Variants in ODR4 observed in about 807,000 individuals in gnomAD.
ODR4 encodes odr-4 GPCR localization factor homolog, also known as protein odr-4 homolog.
Under a neutral mutation model 60.2 loss-of-function variants are expected in ODR4, and 47 were observed. The observed-to-expected ratio is 0.78, with a 90% CI of 0.62 to 1.00. ODR4 has a LOEUF of 1.00. Among genes scored for constraint, ODR4 ranks in the 50% least tolerant of loss-of-function variants. ODR4 has a pLI of 0.00. For missense variants in ODR4, 488 were observed against 530.8 expected (o/e 0.92, Z 0.79); for synonymous variants, 178 against 175.5 (o/e 1.01, Z -0.11).
Position 186,417,392 on chromosome 1 carries a change from A to G in ODR4, c.1187-152A>G, listed in dbSNP as rs16825329. On this transcript the variant is annotated intron_variant, in intron 12 of 13. Transcript: ENST00000287859. The stretch of plus-strand genomic sequence containing the variant: ...ATTCTATTAAATTTAATTCACCTAC[A>G]ATTGATAATGAACAAATTCAGTATG... The G allele has an allele frequency of 0.015, 9,228 of 618,580 alleles. 645 individuals carry two copies. In the African/African-American group the frequency reaches 0.16, roughly 10 times the overall value. The allele number at this position is 618,580 out of a possible 1,614,324, so 38.3% of individuals were successfully genotyped here.
downstream of ODR4, among the ~76,000 whole-genome samples, chr1:186,426,121 A>T (rs537794767): frequency 1.3e-5 from 2 of 152,182 alleles, no homozygotes; most frequent in East Asian, 1.9e-4. Context: ...TTTCTCATTG[A>T]TCTTCTAGCC....
At chr1:186,402,715 G>A (rs150286991) in intron 11 of ODR4, among the ~76,000 whole-genome samples, 1 of 152,186 alleles carries the variant, frequency 6.6e-6, no homozygotes, top group African/African-American at 2.4e-5. Context: ...AGCCTCCCAG[G>A]TAGCTGGGAC....
At chr1:186,430,081 T>C in the ODR4 span, among the ~76,000 whole-genome samples, 1,156 of 152,186 alleles carry the variant, frequency 7.6e-3, 1 homozygote, top group Middle Eastern at 0.017. Context: ...GTATTGTATG[T>C]AGGGAAAAGA....
At chr1:186,423,635 A>G (rs971493145), downstream of ODR4, among the ~76,000 whole-genome samples, 2 of 151,230 alleles carry the variant, frequency 1.3e-5, no homozygotes, top group Admixed American at 6.6e-5. Flanking sequence ...TTATATTTTT[A>G]GTACAGACAG....
intron 1 of ODR4, among the ~76,000 whole-genome samples, chr1:186,376,525 A>G (rs181641687): frequency 6.0e-4 from 91 of 152,212 alleles, no homozygotes; most frequent in Admixed American, 5.6e-3. Context: ...TGAATTGGTG[A>G]TTTAGTTCTT....
intron 2 of ODR4, among the ~76,000 whole-genome samples, chr1:186,382,276 C>T (rs1660067310): frequency 6.8e-6 from 1 of 147,376 alleles, no homozygotes; most frequent in Admixed American, 6.8e-5. Flanking sequence ...AAAAGCCAGG[C>T]ATTATGGCTG....
chr1:186,426,498 A>G, the ODR4 span, among the ~76,000 whole-genome samples: 1 of 152,198 alleles, frequency 6.6e-6, no homozygotes, highest in Non-Finnish European at 1.5e-5. Flanking sequence ...GAATTCCAAA[A>G]GGGAGTGTTC....
At chr1:186,399,990 C>T (rs113234308) in intron 11 of ODR4, among the ~76,000 whole-genome samples, 854 of 111,324 alleles carry the variant, frequency 7.7e-3, no homozygotes, top group Middle Eastern at 0.037. Context: ...TTTTTTTTTT[C>T]TTTTTTTTTT....
At chr1:186,408,796 A>G (rs573429541) in intron 12 of ODR4, among the ~76,000 whole-genome samples, 3 of 151,948 alleles carry the variant, frequency 2.0e-5, no homozygotes, top group Admixed American at 2.0e-4. Flanking sequence ...CACTGTATGC[A>G]AAACTTGCCC....
At chr1:186,424,457 G>T (rs1294584246), downstream of ODR4, among the ~76,000 whole-genome samples, 2 of 152,058 alleles carry the variant, frequency 1.3e-5, no homozygotes, top group African/African-American at 4.8e-5. Context: ...TTGAGTAATG[G>T]GTTTCTTGAT....
At chr1:186,431,978 T>A in the ODR4 span, among the ~76,000 whole-genome samples, 2 of 152,226 alleles carry the variant, frequency 1.3e-5, no homozygotes, top group South Asian at 2.1e-4. Context: ...AGATTAAGAA[T>A]CATGGTGGGT....
At chr1:186,400,139 G>A (rs1017476349) in intron 11 of ODR4, among the ~76,000 whole-genome samples, 5 of 150,056 alleles carry the variant, frequency 3.3e-5, no homozygotes, top group Non-Finnish European at 7.4e-5. Flanking sequence ...CTACAGGCAC[G>A]CGCCACCATG....
chr1:186,387,932 A>G (rs1382782939), intron 4 of ODR4, among the ~76,000 whole-genome samples: 4 of 152,098 alleles, frequency 2.6e-5, no homozygotes, highest in Admixed American at 6.6e-5. Flanking sequence ...TATTGCCTTA[A>G]GTCTTGTGTG....
downstream of ODR4, among the ~76,000 whole-genome samples, chr1:186,421,878 AAAT>A (rs1366097368): frequency 6.9e-6 from 1 of 145,772 alleles, no homozygotes; most frequent in Non-Finnish European, 1.5e-5. Context: ...AAAAAAAAAA[AAAT>A]GATGAATCAT....
At position 186,390,762 on chromosome 1, in the gene ODR4, T is replaced by G. The variant is rs745478585; in HGVS notation, c.526T>G (p.Trp176Gly). The change falls in exon 7 of 14, where the codon TGG (tryptophan) becomes GGG (glycine). Residue 176 changes from tryptophan (W) to glycine (G), a missense_variant. Trp to Gly is a radical substitution (Grantham distance 184). Transcript: ENST00000287859. ...GTATCAAAGTGGATTATCATCCTCA[T>G]GGCTTTCTTTAGAGTGTACAGTTCA... ...WKYQSGLSSSWLSLECTVHIN... is the reference protein window; with the variant it reads ...WKYQSGLSSSGLSLECTVHIN... The G allele has an allele frequency of 6.2e-7, 1 of 1,613,382 alleles. No homozygotes were observed. Among genetic ancestry groups the G allele is most frequent in the South Asian group, 1.1e-5 (1 of 91,062 alleles).
At chr1:186,417,503 C>T in intron 12 of ODR4, 41 bp from the exon 13 acceptor site, 2 of 1,110,460 alleles carry the variant, frequency 1.8e-6, no homozygotes, top group Non-Finnish European at 2.6e-6. Context: ...ATGTGTTAAT[C>T]CTTATTTTAT....
At chr1:186,382,567 C>G (rs1349660096) in intron 2 of ODR4, among the ~76,000 whole-genome samples, 1 of 152,170 alleles carries the variant, frequency 6.6e-6, no homozygotes, top group Non-Finnish European at 1.5e-5. Context: ...TGGAAGTTCC[C>G]TACTGTCATC....
At chr1:186,392,860 CGG>C (rs1239245960) in intron 8 of ODR4, among the ~76,000 whole-genome samples, 1 of 151,890 alleles carries the variant, frequency 6.6e-6, no homozygotes, top group Non-Finnish European at 1.5e-5. Flanking sequence ...AAAAATTAGC[CGG>C]GTGTGGTGGC....
At chr1:186,405,291 G>A (rs895407836) in intron 11 of ODR4, among the ~76,000 whole-genome samples, 5 of 152,134 alleles carry the variant, frequency 3.3e-5, no homozygotes, top group African/African-American at 4.8e-5. Flanking sequence ...TGAAATTCAT[G>A]GGGAGATTAA....
Sources: gnomAD v4.1 joint callset for allele counts (sites outside exome capture counted in the v4.1 genomes callset) on GRCh38, gnomAD v4.1.1 for gene constraint, MANE v1.5 for transcripts, NCBI Gene and HGNC (gene_info 2026-07-23, HGNC 2026-07-21) for gene names.